Variants in NGEF observed in about 807,000 individuals in gnomAD.
NGEF encodes neuronal guanine nucleotide exchange factor.
A neutral mutation model predicts 80.9 loss-of-function variants in NGEF; 31 were observed. The observed-to-expected ratio is 0.38, with a 90% CI of 0.29 to 0.52. NGEF has a LOEUF of 0.52. Ranked by LOEUF, NGEF falls within the 20% of genes least tolerant of loss-of-function variation. NGEF has a pLI of 0.84. For synonymous variants in NGEF, 371 were observed against 370.2 expected, an observed-to-expected ratio of 1.00 and a Z score of -0.03; for missense variants, 709 against 926.2, an observed-to-expected ratio of 0.77 and a Z score of 3.04.
intron 5 of NGEF, among the ~76,000 whole-genome samples, chr2:232,901,997 G>A (rs189019469): frequency 1.3e-4 from 20 of 152,314 alleles, no homozygotes; most frequent in East Asian, 9.7e-4. Context: ...TGTGTGGTAC[G>A]GGGATCACCA....
intron 5 of NGEF, chr2:232,905,849 T>C (rs1575007324): frequency 4.3e-6 from 1 of 233,718 alleles, no homozygotes; most frequent in Non-Finnish European, 8.6e-6. Flanking sequence ...GTCTGGGAAG[T>C]GAGGAGCGTC....
At position 232,920,330 on chromosome 2, in the gene NGEF, C is replaced by T. The variant is rs1476670443; in HGVS notation, c.782G>A (p.Ser261Asn). The T allele has an allele frequency of 6.2e-7, 1 of 1,614,070 alleles. No individual in the cohort carries two copies. Among genetic ancestry groups the T allele is most frequent in the Non-Finnish European group, 8.5e-7 (1 of 1,180,038 alleles). Residue 261 changes from serine (S) to asparagine (N), a missense_variant, in exon 5 of 15, where the codon AGC becomes AAC. Physicochemically the swap from Ser to Asn is conservative, Grantham distance 46. Around this residue, in one of 2 missense-constraint regions of NGEF, gnomAD observed 426 missense variants for 622.9 expected, o/e 0.68. Coordinates refer to ENST00000264051, the MANE Select transcript of NGEF (RefSeq NM_019850.3). ...LWQDLPEIRS[S>N]GVLEILQPEE... ...GGGCTGTAGGATCTCAAGCACCCCG[C>T]TGCTCCGGATCTCGGGAAGATCCTG... is the stretch of plus-strand genomic sequence containing the variant.
chr2:232,971,958 A>G (rs1323690477), intron 2 of NGEF, among the ~76,000 whole-genome samples: 1 of 152,192 alleles, frequency 6.6e-6, no homozygotes, highest in Non-Finnish European at 1.5e-5. Context: ...CTGTCTGCTT[A>G]CAGTGCCCTA....
chr2:232,923,713 T>A (rs1692997094), intron 4 of NGEF, among the ~76,000 whole-genome samples: 1 of 151,816 alleles, frequency 6.6e-6, no homozygotes, highest in Non-Finnish European at 1.5e-5. Flanking sequence ...CCAGCTTGGG[T>A]GAAAAAGCAA....
rs1442746677 is a variant in NGEF at position 232,974,499 on chromosome 2, G to T, written c.268+124C>A. 6.9e-6 allele frequency: 8 copies of T among 1,164,532 alleles called. No individual in the cohort carries two copies. The Admixed American group carries it at 1.6e-4, about 23-fold the overall frequency. The allele number at this position is 1,164,532 out of a possible 1,614,324, so 72.1% of individuals were successfully genotyped here. A position where few individuals can be genotyped will look rare whatever the true frequency, so the allele number is the denominator to read the frequency against. The stretch of plus-strand genomic sequence containing the variant: ...TAATGGTTTTAAAATGCACTACCCT[G>T]TTGAAACTGTCCTTGGTACTTTTCA... On this transcript the variant is annotated intron_variant, in intron 2 of 14. Transcript: ENST00000264051.
chr2:232,950,162 AG>A (rs1226006135), intron 3 of NGEF, among the ~76,000 whole-genome samples: 1 of 152,142 alleles, frequency 6.6e-6, no homozygotes, highest in African/African-American at 2.4e-5. Flanking sequence ...TTGTCATTAT[AG>A]TTTACATTTC....
intron 3 of NGEF, among the ~76,000 whole-genome samples, chr2:232,936,015 A>G (rs1693317539): frequency 6.6e-6 from 1 of 152,206 alleles, no homozygotes; most frequent in Admixed American, 6.5e-5. Context: ...CAGCAGTCGA[A>G]CCACAGAAGG....
intron 3 of NGEF, among the ~76,000 whole-genome samples, chr2:232,952,468 T>A (rs1173228953): frequency 6.6e-6 from 1 of 152,176 alleles, no homozygotes; most frequent in African/African-American, 2.4e-5. Flanking sequence ...TAGATGTGAG[T>A]TCCAGGATTT....
At position 232,899,990 on chromosome 2, in the gene NGEF, TCACA is replaced by T. The variant is rs144152322; in HGVS notation, c.829-5078_829-5075del. Among the ~76,000 whole-genome samples the T allele has an allele frequency of 6.0e-5, 4 of 67,168 alleles. 1 individual carries two copies. In the East Asian group the frequency reaches 1.7e-3, roughly 29 times the overall value. 44.1% of individuals were successfully genotyped at this position (67,168 alleles called of 152,430 possible). On this transcript the variant is annotated intron_variant, in intron 5 of 14. Coordinates refer to ENST00000264051, the MANE Select transcript of NGEF (RefSeq NM_019850.3). Reference sequence around the variant, plus strand: ...CTCATATACACATTCACTCATTCACTCACACACGCTCTCACAGTCACTCATATAC... The same window carrying T: ...CTCATATACACATTCACTCATTCACTCACGCTCTCACAGTCACTCATATAC...
chr2:233,011,444 C>T (rs1026728339), intron 1 of NGEF, among the ~76,000 whole-genome samples: 1 of 152,074 alleles, frequency 6.6e-6, no homozygotes, highest in South Asian at 2.1e-4. Context: ...GCAGCTCCTG[C>T]GCCCCTGGTA....
intron 1 of NGEF, among the ~76,000 whole-genome samples, chr2:232,998,518 T>TG (rs564201975): frequency 5.1e-4 from 77 of 152,282 alleles, no homozygotes; most frequent in Admixed American, 4.4e-3. Context: ...TGGCTCTCTC[T>TG]GGGGAACTAA....
At chr2:232,977,227 A>G (rs1300972733) in intron 1 of NGEF, among the ~76,000 whole-genome samples, 1 of 152,098 alleles carries the variant, frequency 6.6e-6, no homozygotes, top group East Asian at 1.9e-4. Context: ...TCCACTTGGG[A>G]ACCTGATCCA....
At chr2:232,947,836 C>G (rs938948584) in intron 3 of NGEF, among the ~76,000 whole-genome samples, 1 of 152,176 alleles carries the variant, frequency 6.6e-6, no homozygotes, top group Non-Finnish European at 1.5e-5. Flanking sequence ...TTTAAAGAGT[C>G]AGTCACAGAA....
intron 3 of NGEF, among the ~76,000 whole-genome samples, chr2:232,964,368 C>A (rs998696486): frequency 3.9e-5 from 6 of 152,114 alleles, no homozygotes; most frequent in Non-Finnish European, 8.8e-5. Flanking sequence ...GGTAGATAAG[C>A]AAATTGTGGC....
Position 233,013,213 on chromosome 2 carries a change from CA to C in NGEF, c.-221del. 1 of 471,192 alleles carries C rather than the reference CA, an allele frequency of 2.1e-6. No individual in the cohort carries two copies. The highest frequency in any genetic ancestry group is 4.4e-6 in the Non-Finnish European group (1 of 227,072). The allele number at this position is 471,192 out of a possible 1,614,324, so 29.2% of individuals were successfully genotyped here. A position where few individuals can be genotyped will look rare whatever the true frequency, so the allele number is the denominator to read the frequency against. On this transcript the variant is annotated 5_prime_UTR_variant, in exon 1 of 15. An upstream open reading frame in the 5' UTR gains an earlier in-frame stop. Transcript: ENST00000264051. ...CACTCTGTCCCAGAGAGCCCACAGC[CA>C]AAAACTTCGTCCTGTCCTGGAAAAG...
chr2:232,893,991 GC>G (rs1398805512), intron 6 of NGEF, among the ~76,000 whole-genome samples: 1 of 152,156 alleles, frequency 6.6e-6, no homozygotes, highest in Non-Finnish European at 1.5e-5. Flanking sequence ...GTGATGCTGA[GC>G]GGATCCCCAC....
intron 5 of NGEF, among the ~76,000 whole-genome samples, chr2:232,917,135 T>G (rs1692820593): frequency 6.6e-6 from 1 of 152,372 alleles, no homozygotes; most frequent in African/African-American, 2.4e-5. Context: ...GTTGTTTTTA[T>G]GAAAACTGAG....
intron 4 of NGEF, among the ~76,000 whole-genome samples, chr2:232,921,828 C>A (rs1278083868): frequency 1.3e-5 from 2 of 152,136 alleles, no homozygotes; most frequent in Non-Finnish European, 2.9e-5. Context: ...TGCAGCAGCT[C>A]CTTGGGAGAG....
intron 14 of NGEF, 60 bp downstream of exon 14, chr2:232,881,086 C>T (rs569133384): frequency 3.9e-5 from 53 of 1,357,008 alleles, no homozygotes; most frequent in South Asian, 2.9e-4. Context: ...TCCCCCTCCC[C>T]GTCATCCCTT....
Sources: allele counts gnomAD v4.1 joint callset (sites outside exome capture counted in the v4.1 genomes callset), GRCh38; gene constraint gnomAD v4.1.1; regional missense constraint gnomAD v4.1.1; transcripts MANE v1.5; gene names NCBI Gene and HGNC (gene_info 2026-07-23, HGNC 2026-07-21).